NEK10: variants seen among roughly 807,000 people sequenced by gnomAD.
NEK10 encodes the protein serine/threonine-protein kinase Nek10.
In NEK10, 122 loss-of-function variants were observed where a neutral mutation model predicts 159.8. The observed-to-expected ratio is 0.76, with a 90% CI of 0.66 to 0.89. NEK10 has a LOEUF of 0.89. NEK10 is among the 40% of genes least tolerant of loss of function. The pLI, the probability that NEK10 is intolerant of heterozygous loss-of-function variation, is 0.00. For synonymous variants in NEK10, 466 were observed against 457.1 expected, an observed-to-expected ratio of 1.02 and a Z score of -0.25; for missense variants, 1,342 against 1,323.1, an observed-to-expected ratio of 1.01 and a Z score of -0.22.
intron 5 of NEK10, among the ~76,000 whole-genome samples, chr3:27,324,919 C>T (rs1229532283): frequency 2.0e-5 from 3 of 152,306 alleles, no homozygotes; most frequent in Non-Finnish European, 2.9e-5. Flanking sequence ...CTTCTCATTA[C>T]ATGGCTGGGC....
At chr3:27,245,094 T>C (rs1954925782) in intron 23 of NEK10, among the ~76,000 whole-genome samples, 2 of 152,200 alleles carry the variant, frequency 1.3e-5, no homozygotes, top group Admixed American at 1.3e-4. Flanking sequence ...ACTTCCCCTA[T>C]TTAGCCCACT....
intron 22 of NEK10, among the ~76,000 whole-genome samples, chr3:27,280,136 T>G (rs2042053664): frequency 6.8e-6 from 1 of 146,568 alleles, no homozygotes; most frequent in African/African-American, 2.5e-5. Context: ...AGAGGGGATA[T>G]TCTTTGGAAT....
At chr3:27,155,615 C>T (rs1945328567) in intron 30 of NEK10, among the ~76,000 whole-genome samples, 2 of 151,778 alleles carry the variant, frequency 1.3e-5, no homozygotes, top group Admixed American at 1.3e-4. Context: ...AGGAAAACTA[C>T]AAAACACTGC....
At chr3:27,332,585 G>A (rs567074955) in intron 5 of NEK10, among the ~76,000 whole-genome samples, 9 of 152,288 alleles carry the variant, frequency 5.9e-5, no homozygotes, top group African/African-American at 2.2e-4. Context: ...ACTTCAGCCA[G>A]ATTTGCAAGT....
At position 27,305,834 on chromosome 3, in the gene NEK10, A is replaced by G. The variant is rs73147898; in HGVS notation, c.804-863T>C. On this transcript the variant is annotated intron_variant, in intron 11 of 35. Coordinates refer to ENST00000691995, the MANE Select transcript of NEK10 (RefSeq NM_001394966.1). ...GTGCCATGAAATATTATGATGATAA[A>G]CGTTTTATAGAATCATCCTTAGTCC... Among the ~76,000 whole-genome samples, 5 of 152,050 alleles carry G rather than the reference A, an allele frequency of 3.3e-5. No individual in the cohort carries two copies. In the South Asian group the frequency reaches 1.0e-3, roughly 32 times the overall value.
intron 23 of NEK10, 23 bp from the exon 24 acceptor site, chr3:27,202,580 A>C (rs777407580): frequency 6.4e-7 from 1 of 1,574,152 alleles, no homozygotes; most frequent in Admixed American, 1.8e-5. Context: ...AAGGACATTA[A>C]TACATGCTAA....
intron 32 of NEK10, among the ~76,000 whole-genome samples, chr3:27,128,535 TA>T (rs1341188042): frequency 6.6e-6 from 1 of 152,144 alleles, no homozygotes; most frequent in Non-Finnish European, 1.5e-5. Flanking sequence ...ATAGAATTCA[TA>T]AAGGAAAGGC....
At chr3:27,365,407 T>C (rs2048983515) in intron 1 of NEK10, among the ~76,000 whole-genome samples, 1 of 152,154 alleles carries the variant, frequency 6.6e-6, no homozygotes, top group African/African-American at 2.4e-5. Context: ...ATTTCTAATA[T>C]AAGATTTAAT....
intron 6 of NEK10, among the ~76,000 whole-genome samples, chr3:27,315,604 C>A (rs2045094754): frequency 6.6e-6 from 1 of 152,082 alleles, no homozygotes; most frequent in African/African-American, 2.4e-5. Flanking sequence ...ACATTTAAAA[C>A]CAGTTATATT....
At chr3:27,298,413 C>T (rs768613172) in intron 13 of NEK10, among the ~76,000 whole-genome samples, 2 of 152,152 alleles carry the variant, frequency 1.3e-5, no homozygotes, top group African/African-American at 2.4e-5. Flanking sequence ...ATTGTGAGGC[C>T]TCCCCAGCCA....
intron 23 of NEK10, among the ~76,000 whole-genome samples, chr3:27,251,617 C>T (rs760030396): frequency 6.6e-6 from 1 of 152,194 alleles, no homozygotes; most frequent in African/African-American, 2.4e-5. Context: ...TCCTGTGCAG[C>T]CTGCAGAACC....
chr3:27,259,031 CT>C (rs1392457046), intron 22 of NEK10, among the ~76,000 whole-genome samples: 1 of 151,738 alleles, frequency 6.6e-6, no homozygotes, highest in Non-Finnish European at 1.5e-5. Flanking sequence ...TGAGAAGTGT[CT>C]GTTTATATCC....
chr3:27,339,736 G>A (rs2047064681), intron 5 of NEK10, among the ~76,000 whole-genome samples: 2 of 149,582 alleles, frequency 1.3e-5, no homozygotes, highest in African/African-American at 4.9e-5. Context: ...CCGAGATCGG[G>A]CCACTGCACT....
chr3:27,231,840 C>T (rs911310941), intron 23 of NEK10, among the ~76,000 whole-genome samples: 2 of 151,446 alleles, frequency 1.3e-5, no homozygotes, highest in Non-Finnish European at 3.0e-5. Context: ...AAGACTCAAT[C>T]AGTAATAAAA....
chr3:27,191,579 G>A (rs570363753), intron 26 of NEK10, among the ~76,000 whole-genome samples: 83 of 152,284 alleles, frequency 5.5e-4, no homozygotes, highest in Middle Eastern at 3.4e-3. Flanking sequence ...TTGAAGCATG[G>A]CAACATTATT....
chr3:27,156,960 A>G, intron 30 of NEK10, among the ~76,000 whole-genome samples: 1 of 125,626 alleles, frequency 8.0e-6, no homozygotes, highest in East Asian at 2.6e-4. Flanking sequence ...ATATATATAT[A>G]TATATATATA....
Position 27,192,037 on chromosome 3 carries a change from G to A in NEK10, c.2497C>T (p.Leu833=). The A allele has an allele frequency of 6.2e-7, 1 of 1,614,092 alleles. No homozygotes were observed. Among genetic ancestry groups the A allele is most frequent in the Middle Eastern group, 1.6e-4 (1 of 6,062 alleles). ...GAAATATTTGCACTTACGTGAGATA[G>A]AACAGCCAGCTCATGGTGACATGTG... ...TVTCHHELAV[L]SHETFEKASL... is the part of the protein sequence containing the mutation. Residue 833 remains leucine, a synonymous_variant, in exon 26 of 36, where the codon CTA becomes TTA. Coordinates refer to ENST00000691995, the MANE Select transcript of NEK10 (RefSeq NM_001394966.1).
At chr3:27,308,751 G>T (rs2044440793) in intron 10 of NEK10, among the ~76,000 whole-genome samples, 175 bp downstream of exon 10, 1 of 152,120 alleles carries the variant, frequency 6.6e-6, no homozygotes, top group Non-Finnish European at 1.5e-5. Flanking sequence ...TGCCTTTCCA[G>T]TTTAAATTTT....
At chr3:27,153,203 TC>T (rs1191889343) in intron 30 of NEK10, among the ~76,000 whole-genome samples, 1 of 151,232 alleles carries the variant, frequency 6.6e-6, no homozygotes, top group African/African-American at 2.4e-5. Context: ...GCCTATAGTC[TC>T]AGCTACTCGG....
Sources: gnomAD v4.1 joint callset for allele counts (sites outside exome capture counted in the v4.1 genomes callset) on GRCh38, gnomAD v4.1.1 for gene constraint, MANE v1.5 for transcripts, NCBI Gene and HGNC (gene_info 2026-07-23, HGNC 2026-07-21) for gene names.